Variants in TBCK observed in about 807,000 individuals in gnomAD.
The protein encoded by TBCK is TBC domain-containing protein kinase-like protein.
In TBCK, 99 loss-of-function variants were observed where a neutral mutation model predicts 113.4. The ratio of observed to expected loss-of-function variants is 0.87; its 90% confidence interval spans 0.74 to 1.03. The LOEUF (loss-of-function observed/expected upper bound fraction) is 1.03. Ranked by LOEUF, TBCK falls within the 50% of genes least tolerant of loss-of-function variation. The probability of loss-of-function intolerance (pLI) is 0.00; values close to 1 mark genes in which losing one functional copy is unlikely to be tolerated. For missense variants in TBCK, 1,045 were observed against 1,061.3 expected (o/e 0.98, Z 0.21); for synonymous variants, 369 against 370.8 (o/e 1.00, Z 0.05).
rs185937775 is a variant in TBCK at position 106,174,410 on chromosome 4, T to G, written c.2060-3140A>C. Among the ~76,000 whole-genome samples, 593 of 152,230 alleles carry G rather than the reference T, an allele frequency of 3.9e-3. 5 individuals carry two copies. The highest frequency in any genetic ancestry group is 0.014 in the African/African-American group (565 of 41,562). On this transcript the variant is annotated intron_variant, in intron 22 of 25. Coordinates refer to ENST00000394708, the MANE Select transcript of TBCK (RefSeq NM_001163435.3). ...CAGATACAGCATTCTAGGGTTGAAT[T>G]TTTTTCTTCTGAGTTATTAAAGGTA...
At chr4:106,133,542 C>G (rs970391529) in intron 23 of TBCK, among the ~76,000 whole-genome samples, 3 of 152,172 alleles carry the variant, frequency 2.0e-5, no homozygotes, top group African/African-American at 7.2e-5. Context: ...GGCTGGAAAA[C>G]ACACAAAAGA....
chr4:106,089,509 C>A (rs926225799), intron 25 of TBCK, among the ~76,000 whole-genome samples: 37 of 152,144 alleles, frequency 2.4e-4, no homozygotes, highest in African/African-American at 8.9e-4. Flanking sequence ...CAATAGTCCA[C>A]CAAATTCTTA....
At chr4:106,278,184 G>T (rs371385589) in intron 3 of TBCK, among the ~76,000 whole-genome samples, 1 of 152,070 alleles carries the variant, frequency 6.6e-6, no homozygotes, top group Non-Finnish European at 1.5e-5. Context: ...TATCTGACTT[G>T]ATCTAAAAAA....
chr4:106,092,128 TAAAG>T (rs1233241045), intron 25 of TBCK, among the ~76,000 whole-genome samples: 1 of 151,490 alleles, frequency 6.6e-6, no homozygotes, highest in Non-Finnish European at 1.5e-5. Flanking sequence ...TAGCTAGACA[TAAAG>T]ATTCTCCAAG....
intron 25 of TBCK, among the ~76,000 whole-genome samples, chr4:106,051,140 A>C (rs1734760260): frequency 6.6e-6 from 1 of 151,936 alleles, no homozygotes; most frequent in Non-Finnish European, 1.5e-5. Flanking sequence ...AGGCCAAAAA[A>C]TTAAAAGCTG....
At position 106,046,549 on chromosome 4, in the gene TBCK, G is replaced by T; in HGVS notation, c.*21C>A. The T allele has an allele frequency of 7.3e-7, 1 of 1,371,426 alleles. No homozygotes were observed. 85.0% of individuals were successfully genotyped at this position (1,371,426 alleles called of 1,614,324 possible). ...TGGTGCTGATGCCACACTAAGTTTTGGCAGTCACACTCTTGGTTCTTCATA... is the reference window on the plus strand; with the variant it reads ...TGGTGCTGATGCCACACTAAGTTTTTGCAGTCACACTCTTGGTTCTTCATA... On this transcript the variant is annotated 3_prime_UTR_variant, in exon 26 of 26. Coordinates refer to ENST00000394708, the MANE Select transcript of TBCK (RefSeq NM_001163435.3).
At chr4:106,097,668 C>T (rs1229480634) in intron 24 of TBCK, among the ~76,000 whole-genome samples, 1 of 152,042 alleles carries the variant, frequency 6.6e-6, no homozygotes, top group Non-Finnish European at 1.5e-5. Context: ...TACAATTTCC[C>T]ATGTGACACA....
At chr4:106,228,348 T>TA (rs1758470409) in intron 19 of TBCK, among the ~76,000 whole-genome samples, 1 of 151,448 alleles carries the variant, frequency 6.6e-6, no homozygotes, top group Non-Finnish European at 1.5e-5. Flanking sequence ...GGTTATTTTT[T>TA]TTTTTTTACC....
chr4:106,145,852 T>C (rs750505778), intron 23 of TBCK, among the ~76,000 whole-genome samples: 2 of 152,044 alleles, frequency 1.3e-5, no homozygotes, highest in Non-Finnish European at 2.9e-5. Flanking sequence ...TGAGATACCA[T>C]CTCACACCAG....
intron 1 of TBCK, among the ~76,000 whole-genome samples, chr4:106,314,616 ATTTTTTTTT>A (rs869091052): frequency 2.9e-5 from 3 of 102,060 alleles, no homozygotes; most frequent in Middle Eastern, 4.8e-3. Flanking sequence ...ATACTACTTG[ATTTTTTTTT>A]TTTTTTTTTT....
chr4:106,261,440 A>G (rs891849231), intron 4 of TBCK, among the ~76,000 whole-genome samples: 1 of 152,128 alleles, frequency 6.6e-6, no homozygotes, highest in Non-Finnish European at 1.5e-5. Context: ...CCAGAGAACA[A>G]GGATAATCCT....
At chr4:106,063,882 C>G (rs1371434761) in intron 25 of TBCK, among the ~76,000 whole-genome samples, 1 of 151,846 alleles carries the variant, frequency 6.6e-6, no homozygotes, top group Non-Finnish European at 1.5e-5. Flanking sequence ...GACTTAGTCT[C>G]CAGAACTGTG....
At chr4:106,092,605 C>T (rs1428273052) in intron 25 of TBCK, among the ~76,000 whole-genome samples, 1 of 152,216 alleles carries the variant, frequency 6.6e-6, no homozygotes, top group East Asian at 1.9e-4. Flanking sequence ...GCCAGCACTG[C>T]TGGGGGACCT....
intron 2 of TBCK, among the ~76,000 whole-genome samples, chr4:106,307,011 T>A (rs1767596610): frequency 1.3e-5 from 2 of 152,292 alleles, no homozygotes; most frequent in South Asian, 4.1e-4. Context: ...TTTTTACCAC[T>A]CTCTTTCCCA....
intron 2 of TBCK, among the ~76,000 whole-genome samples, chr4:106,298,717 A>G (rs1189558072): frequency 6.6e-6 from 1 of 152,238 alleles, no homozygotes; most frequent in Non-Finnish European, 1.5e-5. Context: ...GATACATGGT[A>G]AGAAATTTTC....
chr4:106,158,897 C>A (rs1749424482), intron 23 of TBCK, among the ~76,000 whole-genome samples: 1 of 151,808 alleles, frequency 6.6e-6, no homozygotes, highest in Non-Finnish European at 1.5e-5. Flanking sequence ...CAATCTTCAA[C>A]AAAATAGTAG....
Position 106,242,484 on chromosome 4 carries a change from A to C in TBCK, c.1156T>G (p.Cys386Gly), listed in dbSNP as rs766906080. 1 of 1,603,426 alleles carries C rather than the reference A, an allele frequency of 6.2e-7. No individual in the cohort carries two copies. The highest frequency in any genetic ancestry group is 1.1e-5 in the South Asian group (1 of 89,006). ...LDDTTVTLSLCQLRNRLKDVG... is the reference protein window; with the variant it reads ...LDDTTVTLSLGQLRNRLKDVG... ...ATCTTTCTTACATTTCTTAGCTGGC[A>C]TAACGACAATGTCACAGTGGTATCA... The change falls in exon 12 of 26, where the codon TGC becomes GGC. Residue 386 changes from cysteine (C) to glycine (G), a missense_variant. Cys to Gly is a radical substitution (Grantham distance 159). Transcript: ENST00000394708.
intron 25 of TBCK, among the ~76,000 whole-genome samples, chr4:106,065,564 A>C (rs1411816875): frequency 3.3e-5 from 5 of 152,004 alleles, no homozygotes; most frequent in Non-Finnish European, 7.4e-5. Context: ...TGTCAAATTA[A>C]ACTCATCCAT....
chr4:106,222,109 T>C (rs1757763952), intron 19 of TBCK, among the ~76,000 whole-genome samples: 1 of 152,150 alleles, frequency 6.6e-6, no homozygotes, highest in Non-Finnish European at 1.5e-5. Context: ...ATTAAGGTTC[T>C]TATTAAATTT....
Sources: gnomAD v4.1 joint callset for allele counts (sites outside exome capture counted in the v4.1 genomes callset) on GRCh38, gnomAD v4.1.1 for gene constraint, MANE v1.5 for transcripts, NCBI Gene and HGNC (gene_info 2026-07-23, HGNC 2026-07-21) for gene names.